CDKL5: variants seen among roughly 807,000 people sequenced by gnomAD.
CDKL5 encodes cyclin-dependent kinase-like 5.
Under a neutral mutation model 61.7 loss-of-function variants are expected in CDKL5, and 8 were observed. The ratio of observed to expected loss-of-function variants is 0.13; its 90% CI spans 0.08 to 0.23. The LOEUF (loss-of-function observed/expected upper bound fraction) is 0.23, where lower values mean the gene tolerates loss of function less well. Ranked by LOEUF, CDKL5 falls within the 10% of genes least tolerant of loss-of-function variation. The probability of loss-of-function intolerance (pLI) is 1.00; values close to 1 mark genes in which losing one functional copy is unlikely to be tolerated. For missense variants in CDKL5, 440 were observed against 734.5 expected, an observed-to-expected ratio of 0.60 and a Z score of 4.63; for synonymous variants, 275 against 272.3, an observed-to-expected ratio of 1.01 and a Z score of -0.10.
chrX:18,553,977 G>C (rs903997133), intron 3 of CDKL5, among the ~76,000 whole-genome samples: 6 of 110,750 alleles, frequency 5.4e-5, no homozygotes, highest in Non-Finnish European at 9.4e-5. Flanking sequence ...TTTTGAGCAG[G>C]TTAGAGTTTA....
intron 1 of CDKL5, among the ~76,000 whole-genome samples, chrX:18,496,718 T>C (rs752120022): frequency 2.7e-5 from 3 of 112,112 alleles, no homozygotes; most frequent in South Asian, 7.4e-4. Flanking sequence ...TAAGCCACAT[T>C]ATACTTTATA....
At chrX:18,522,423 C>T (rs1923282316) in intron 3 of CDKL5, among the ~76,000 whole-genome samples, 1 of 96,884 alleles carries the variant, frequency 1.0e-5, no homozygotes, top group Admixed American at 1.2e-4. Context: ...TGGCTCACTG[C>T]AACCTCTGCC....
intron 10 of CDKL5, among the ~76,000 whole-genome samples, chrX:18,596,975 T>C (rs1157242588): frequency 1.8e-5 from 2 of 111,857 alleles, no homozygotes; most frequent in Admixed American, 9.5e-5. Context: ...TTTATTGACA[T>C]GTCCTTTCAG....
At chrX:18,601,900 T>C (rs1458340001) in intron 11 of CDKL5, among the ~76,000 whole-genome samples, 3 of 111,687 alleles carry the variant, frequency 2.7e-5, no homozygotes, top group Non-Finnish European at 5.6e-5. Flanking sequence ...CTGTACATGT[T>C]ATCTGTCTAC....
intron 1 of CDKL5, among the ~76,000 whole-genome samples, chrX:18,464,545 C>T (rs5909184): frequency 0.27 from 29,675 of 110,800 alleles, 3,580 homozygotes; most frequent in Admixed American, 0.55. Flanking sequence ...TATTTTACCA[C>T]TTTTTTAAAT....
chrX:18,516,711 G>A (rs1380379940), intron 3 of CDKL5, among the ~76,000 whole-genome samples: 1 of 110,846 alleles, frequency 9.0e-6, no homozygotes, highest in East Asian at 2.8e-4. Context: ...GAAATAATGG[G>A]TCATGTGTCA....
intron 1 of CDKL5, among the ~76,000 whole-genome samples, chrX:18,454,392 A>T: frequency 9.2e-6 from 1 of 108,646 alleles, no homozygotes; most frequent in East Asian, 2.9e-4. Context: ...GCCTGCCACC[A>T]TGCCTGGCTA....
rs375530769 is a variant in CDKL5, at chrX:18,617,033, CTTTTA to C, written c.2277-2829_2277-2825del. ...CAGCTTGAGTGAGATCAGATTCGTT[CTTTTA>C]TTTTTCTCTGTTTCTTCAACACCTA... On this transcript the variant is annotated intron_variant, in intron 15 of 17. Coordinates refer to ENST00000623535, the MANE Select transcript of CDKL5 (RefSeq NM_001323289.2). Among the ~76,000 whole-genome samples the C allele has an allele frequency of 2.5e-3, 276 of 111,692 alleles. 1 individual carries two copies. The highest frequency in any genetic ancestry group is 8.7e-3 in the African/African-American group (266 of 30,720).
Position 18,633,670 on chromosome X carries a change from ACT to A in CDKL5, c.*4916_*4917del, listed in dbSNP as rs1233584723. 1 of 751,903 alleles carries A rather than the reference ACT, an allele frequency of 1.3e-6. No homozygotes were observed. The highest frequency in any genetic ancestry group is 2.3e-5 in the African/African-American group (1 of 42,984). 62.0% of individuals were successfully genotyped at this position (751,903 alleles called of 1,213,427 possible). The stretch of plus-strand genomic sequence containing the variant: ...GTGGGAGAAGTGGGGTGGCTAGGAA[ACT>A]CTGGGCCTGCTGCCCCCTTCGATTC... On this transcript the variant is annotated 3_prime_UTR_variant, in exon 18 of 18. Transcript: ENST00000623535.
In CDKL5 at chrX:18,598,540, C is replaced by T. The variant is rs267608547; in HGVS notation, c.904C>T (p.Leu302Phe). 2 of 1,207,911 alleles carry T rather than the reference C, an allele frequency of 1.7e-6. No homozygotes were observed. Among genetic ancestry groups the T allele is most frequent in the East Asian group, 5.9e-5 (2 of 33,817 alleles). Residue 302 changes from leucine (L) to phenylalanine (F), a missense_variant, in exon 11 of 18, where the codon CTT (leucine) becomes TTT (phenylalanine). Around this residue, in one of 2 missense-constraint regions of CDKL5, gnomAD observed 363 missense variants for 516.3 expected, o/e 0.70. Transcript: ENST00000623535. The stretch of plus-strand genomic sequence containing the variant: ...TCACCCTACATTTCAAACCCAGAGA[C>T]TTCTGGATCGTTCTCCTTCAAGGTC... ...LNHPTFQTQRLLDRSPSRSAK... is the reference protein window; with the variant it reads ...LNHPTFQTQRFLDRSPSRSAK...
intron 3 of CDKL5, among the ~76,000 whole-genome samples, chrX:18,558,273 C>T (rs187507298): frequency 8.9e-6 from 1 of 111,939 alleles, no homozygotes; most frequent in Non-Finnish European, 1.9e-5. Flanking sequence ...AAACAAGTAA[C>T]AAACTATGCC....
intron 4 of CDKL5, among the ~76,000 whole-genome samples, chrX:18,572,732 T>C (rs1234419275): frequency 1.8e-5 from 2 of 111,987 alleles, no homozygotes; most frequent in Non-Finnish European, 3.8e-5. Flanking sequence ...GAGATTTCCT[T>C]ATGGCCACAG....
Position 18,572,931 on chromosome X carries a change from G to C in CDKL5, c.146-2423G>C, listed in dbSNP as rs1220338814. 3.6e-5 allele frequency among the ~76,000 whole-genome samples: 4 copies of C among 111,968 alleles called. No homozygotes were observed. The East Asian group carries it at 1.1e-3, about 32-fold the overall frequency. ...CAAGAAAAATGGTAAGAAGTTCTGT[G>C]AAAGAAAAGTCCAGAACTGTGATAA... On this transcript the variant is annotated intron_variant, in intron 4 of 17. Coordinates refer to ENST00000623535, the MANE Select transcript of CDKL5 (RefSeq NM_001323289.2).
intron 4 of CDKL5, among the ~76,000 whole-genome samples, chrX:18,569,489 A>C (rs1210091609): frequency 8.9e-6 from 1 of 112,138 alleles, no homozygotes; most frequent in Non-Finnish European, 1.9e-5. Context: ...AATTTAGTCC[A>C]GTTCTTCTAC....
intron 3 of CDKL5, among the ~76,000 whole-genome samples, chrX:18,534,526 G>A (rs753974733): frequency 5.4e-5 from 6 of 111,469 alleles, no homozygotes; most frequent in Non-Finnish European, 1.1e-4. Flanking sequence ...AGTTCCACAC[G>A]TATAGGAATT....
intron 3 of CDKL5, among the ~76,000 whole-genome samples, chrX:18,545,018 A>G (rs1241319263): frequency 9.0e-6 from 1 of 111,249 alleles, no homozygotes; most frequent in African/African-American, 3.3e-5. Flanking sequence ...GCTTGAGCCT[A>G]TGAGTTAGAG....
downstream of CDKL5, among the ~76,000 whole-genome samples, chrX:18,642,327 C>T (rs1365876315): frequency 1.8e-5 from 2 of 112,080 alleles, no homozygotes; most frequent in Non-Finnish European, 3.8e-5. Context: ...ATCACACCTA[C>T]ATGCTTGGGA....
intron 7 of CDKL5, among the ~76,000 whole-genome samples, chrX:18,582,808 C>G (rs1252431251): frequency 9.0e-6 from 1 of 111,124 alleles, no homozygotes; most frequent in African/African-American, 3.3e-5. Flanking sequence ...GTAGAATGAC[C>G]CATTTTGTCC....
chrX:18,580,885 C>A (rs1300133645), intron 6 of CDKL5, among the ~76,000 whole-genome samples: 1 of 111,538 alleles, frequency 9.0e-6, no homozygotes, highest in African/African-American at 3.3e-5. Flanking sequence ...GTCTTTTATT[C>A]CTAGAAACAG....
Sources: allele counts gnomAD v4.1 joint callset (sites outside exome capture counted in the v4.1 genomes callset), GRCh38; gene constraint gnomAD v4.1.1; regional missense constraint gnomAD v4.1.1; transcripts MANE v1.5; gene names NCBI Gene and HGNC (gene_info 2026-07-23, HGNC 2026-07-21).